The following ADGRG6 variants were observed in gnomAD, a reference collection of about 807,000 sequenced individuals.
ADGRG6 encodes G-protein coupled receptor 126.
ADGRG6 carries 84 observed loss-of-function variants against 142.4 expected under a neutral mutation model. The observed-to-expected ratio is 0.59, with a 90% CI of 0.49 to 0.71. The LOEUF (loss-of-function observed/expected upper bound fraction) is 0.71, where lower values mean the gene tolerates loss of function less well. Among genes scored for constraint, ADGRG6 ranks in the 30% least tolerant of loss-of-function variants. The probability of loss-of-function intolerance (pLI) is 0.00; values close to 1 mark genes in which losing one functional copy is unlikely to be tolerated. For missense variants in ADGRG6, 1,367 were observed against 1,466.6 expected (o/e 0.93, Z 1.11); for synonymous variants, 521 against 520.5 (o/e 1.00, Z -0.01).
At chr6:142,440,427 G>A (rs1383797669) in intron 24 of ADGRG6, among the ~76,000 whole-genome samples, 1 of 151,978 alleles carries the variant, frequency 6.6e-6, no homozygotes, top group African/African-American at 2.4e-5. Context: ...CTCCCGAGTA[G>A]CTGGGACTAC....
In ADGRG6 at chr6:142,397,650, A is replaced by C; in HGVS notation, c.1462A>C (p.Asn488His). Residue 488 changes from asparagine to histidine, a missense_variant, in exon 10 of 25, where the codon AAC becomes CAC. Physicochemically the swap from Asn to His is moderately conservative, Grantham distance 68. This residue lies in a region of ADGRG6 where 737 missense variants were observed against 746.5 expected (regional missense o/e 0.99). Coordinates refer to ENST00000367609, the MANE Select transcript of ADGRG6 (RefSeq NM_198569.3). ...LWALLVYNAT[N>H]NTNLEGKIIQ... ...GGCCCTTCTAGTTTACAATGCTACCAACAATACTAATTTGGAAGGAAAAAT... is the reference window on the plus strand; with the variant it reads ...GGCCCTTCTAGTTTACAATGCTACCCACAATACTAATTTGGAAGGAAAAAT... 2 of 1,609,142 alleles carry C rather than the reference A, an allele frequency of 1.2e-6. No individual in the cohort carries two copies. Among genetic ancestry groups the C allele is most frequent in the Non-Finnish European group, 1.7e-6 (2 of 1,176,950 alleles).
chr6:142,361,793 C>T (rs1398658051), intron 2 of ADGRG6, among the ~76,000 whole-genome samples: 1 of 150,660 alleles, frequency 6.6e-6, no homozygotes, highest in Non-Finnish European at 1.5e-5. Flanking sequence ...TCAAATTATT[C>T]ATTGCCTTTA....
At chr6:142,376,639 A>C (rs1781517347) in intron 4 of ADGRG6, among the ~76,000 whole-genome samples, 1 of 152,184 alleles carries the variant, frequency 6.6e-6, no homozygotes, top group South Asian at 2.1e-4. Flanking sequence ...GATTGAATGT[A>C]ATATTTTTAG....
At chr6:142,357,705 G>T (rs1780520781) in intron 2 of ADGRG6, among the ~76,000 whole-genome samples, 1 of 152,052 alleles carries the variant, frequency 6.6e-6, no homozygotes, top group Non-Finnish European at 1.5e-5. Context: ...CCAACTTATT[G>T]GGAAGGTAAG....
At chr6:142,433,942 A>G (rs1777349478) in intron 22 of ADGRG6, among the ~76,000 whole-genome samples, 1 of 151,972 alleles carries the variant, frequency 6.6e-6, no homozygotes, top group South Asian at 2.1e-4. Flanking sequence ...CAGGCAACAT[A>G]AGAAGCTGAG....
rs574669622 is a variant in ADGRG6 at position 142,354,627 on chromosome 6, G to T, written c.104-12942G>T. ...TCTGCATTGTTTGCTTTTGAATTAT[G>T]ACTTAGTTTTATAGAAAAGAAATCT... On this transcript the variant is annotated intron_variant, in intron 2 of 24. Transcript: ENST00000367609. Among the ~76,000 whole-genome samples, 22 of 152,234 alleles carry T rather than the reference G, an allele frequency of 1.4e-4. No homozygotes were observed. The South Asian group carries it at 4.6e-3, about 32-fold the overall frequency.
intron 24 of ADGRG6, among the ~76,000 whole-genome samples, chr6:142,440,724 T>C (rs1468437604): frequency 6.6e-6 from 1 of 152,208 alleles, no homozygotes; most frequent in African/African-American, 2.4e-5. Context: ...TTCAATGTTA[T>C]AATAAATCCT....
chr6:142,413,587 T>C (rs978669151), intron 18 of ADGRG6, among the ~76,000 whole-genome samples: 1 of 152,290 alleles, frequency 6.6e-6, no homozygotes, highest in Admixed American at 6.5e-5. Context: ...TTTTCAAGAA[T>C]TTGTGACACA....
intron 2 of ADGRG6, among the ~76,000 whole-genome samples, chr6:142,338,013 C>CTTTATTTTTTTTTTTTTTTTT (rs1779405902): frequency 3.8e-5 from 1 of 26,078 alleles, no homozygotes; most frequent in African/African-American, 1.8e-4. Context: ...TGCCTTGTAT[C>CTTTATTTTTTTTTTTTTTTTT]TTTGTTTTTT....
intron 22 of ADGRG6, among the ~76,000 whole-genome samples, chr6:142,434,130 C>T (rs1020270471): frequency 1.3e-5 from 2 of 151,618 alleles, no homozygotes; most frequent in Non-Finnish European, 2.9e-5. Context: ...ATTTCCTTTA[C>T]AAATTACTTC....
intron 2 of ADGRG6, among the ~76,000 whole-genome samples, chr6:142,361,029 A>G (rs1220826670): frequency 6.6e-6 from 1 of 152,092 alleles, no homozygotes; most frequent in Non-Finnish European, 1.5e-5. Context: ...AATTTCTATA[A>G]TGTCATCATT....
At chr6:142,411,186 T>C (rs1776059942) in intron 17 of ADGRG6, 119 bp from the exon 18 acceptor site, 1 of 628,634 alleles carries the variant, frequency 1.6e-6, no homozygotes, top group Admixed American at 2.4e-5. Flanking sequence ...GTATCCATTT[T>C]ACAGATAAAC....
chr6:142,351,518 T>C (rs1780175119), intron 2 of ADGRG6, among the ~76,000 whole-genome samples: 1 of 152,150 alleles, frequency 6.6e-6, no homozygotes, highest in Admixed American at 6.5e-5. Flanking sequence ...AGATTGAAAC[T>C]GAAACTCTTC....
At chr6:142,402,378 C>T (rs1775567671) in intron 12 of ADGRG6, among the ~76,000 whole-genome samples, 3 of 152,040 alleles carry the variant, frequency 2.0e-5, no homozygotes, top group South Asian at 4.2e-4. Flanking sequence ...GAATGTTTCT[C>T]TTAGAACTTT....
chr6:142,362,738 G>C (rs1188043292), intron 2 of ADGRG6, among the ~76,000 whole-genome samples: 1 of 152,030 alleles, frequency 6.6e-6, no homozygotes, highest in Admixed American at 6.6e-5. Flanking sequence ...AAATGTTATT[G>C]ATATTTTACA....
chr6:142,390,713 A>G (rs1774851781), intron 7 of ADGRG6, among the ~76,000 whole-genome samples: 1 of 151,834 alleles, frequency 6.6e-6, no homozygotes, highest in Admixed American at 6.6e-5. Flanking sequence ...CAAGTATGAA[A>G]AGACGCATTA....
At chr6:142,436,009 T>C (rs1777468827) in intron 22 of ADGRG6, among the ~76,000 whole-genome samples, 1 of 152,058 alleles carries the variant, frequency 6.6e-6, no homozygotes, top group Non-Finnish European at 1.5e-5. Context: ...TTGAGGGTCA[T>C]GATCGCAAGG....
intron 2 of ADGRG6, among the ~76,000 whole-genome samples, chr6:142,333,324 G>T (rs1779155294): frequency 6.6e-6 from 1 of 152,056 alleles, no homozygotes; most frequent in African/African-American, 2.4e-5. Context: ...ATATTTGTTG[G>T]TTTTTCAGGG....
intron 22 of ADGRG6, among the ~76,000 whole-genome samples, chr6:142,432,385 T>A (rs1777255539): frequency 6.6e-6 from 1 of 152,196 alleles, no homozygotes. Context: ...TATTCTTATT[T>A]AAAATAGAAA....
Sources: allele counts gnomAD v4.1 joint callset (sites outside exome capture counted in the v4.1 genomes callset), GRCh38; gene constraint gnomAD v4.1.1; regional missense constraint gnomAD v4.1.1; transcripts MANE v1.5; gene names NCBI Gene and HGNC (gene_info 2026-07-23, HGNC 2026-07-21).